Variants in VAMP5 observed in about 807,000 individuals in gnomAD.
VAMP5 encodes vesicle associated membrane protein 5, also known as vesicle-associated membrane protein 5.
A neutral mutation model predicts 8.1 loss-of-function variants in VAMP5; 10 were observed. That is an observed-to-expected ratio of 1.23 (90% CI 0.76 to 2.09). The LOEUF (loss-of-function observed/expected upper bound fraction) is 2.09, where lower values mean the gene tolerates loss of function less well. Ranked by LOEUF, VAMP5 falls within the 30% of genes most tolerant of loss-of-function variation. The probability of loss-of-function intolerance (pLI) is 0.00; values close to 1 mark genes in which losing one functional copy is unlikely to be tolerated. For synonymous variants in VAMP5, 62 were observed against 60.6 expected (o/e 1.02, Z -0.11); for missense variants, 135 against 152.5 (o/e 0.89, Z 0.60).
At chr2:85,586,101 C>T (rs1480447665) in intron 1 of VAMP5, among the ~76,000 whole-genome samples, 1 of 152,202 alleles carries the variant, frequency 6.6e-6, no homozygotes, top group African/African-American at 2.4e-5. Flanking sequence ...TTGGTAGCAT[C>T]AACCAGATTC....
chr2:85,589,799 AG>A, intron 1 of VAMP5, among the ~76,000 whole-genome samples: 1 of 152,080 alleles, frequency 6.6e-6, no homozygotes, highest in East Asian at 1.9e-4. Context: ...CTGGGATTAC[AG>A]GCATGCACCA....
chr2:85,590,998 G>A (rs1672531357), intron 1 of VAMP5, among the ~76,000 whole-genome samples: 1 of 152,220 alleles, frequency 6.6e-6, no homozygotes. Context: ...GGAAATCCAA[G>A]AGTTAGTCTC....
At chr2:85,590,409 C>G (rs1672523134) in intron 1 of VAMP5, among the ~76,000 whole-genome samples, 1 of 152,198 alleles carries the variant, frequency 6.6e-6, no homozygotes, top group Non-Finnish European at 1.5e-5. Context: ...CAGGGCACTG[C>G]TCCCTGCCCT....
intron 1 of VAMP5, among the ~76,000 whole-genome samples, chr2:85,585,774 C>T (rs1324572197): frequency 6.6e-6 from 1 of 152,210 alleles, no homozygotes; most frequent in South Asian, 2.1e-4. Context: ...ATCTCCTAGC[C>T]TCTTCCTGTT....
At chr2:85,587,509 C>T (rs540708472) in intron 1 of VAMP5, among the ~76,000 whole-genome samples, 1 of 152,048 alleles carries the variant, frequency 6.6e-6, no homozygotes, top group East Asian at 1.9e-4. Flanking sequence ...GCCTCGGCCT[C>T]CCAAAGTGCT....
At chr2:85,587,260 AAT>A (rs1672475598) in intron 1 of VAMP5, among the ~76,000 whole-genome samples, 1 of 137,740 alleles carries the variant, frequency 7.3e-6, no homozygotes, top group African/African-American at 2.9e-5. Flanking sequence ...TGTATTACAC[AAT>A]TTTTTTTTTT....
At chr2:85,589,716 G>A (rs1672512485) in intron 1 of VAMP5, among the ~76,000 whole-genome samples, 1 of 152,092 alleles carries the variant, frequency 6.6e-6, no homozygotes, top group Admixed American at 6.5e-5. Flanking sequence ...GGAGTGCAGT[G>A]GTGTGATCTC....
intron 2 of VAMP5, 103 bp downstream of exon 2, chr2:85,591,965 T>A: frequency 6.5e-7 from 1 of 1,533,762 alleles, no homozygotes; most frequent in Non-Finnish European, 8.8e-7. Flanking sequence ...TGAGGCCTTC[T>A]TGAGGGCCAG....
chr2:85,593,215 A>T lies in VAMP5; in HGVS notation c.*58A>T. 1.3e-6 allele frequency: 2 copies of T among 1,590,152 alleles called. No homozygotes were observed. The highest frequency in any genetic ancestry group is 1.7e-6 in the Non-Finnish European group (2 of 1,165,922). On this transcript the variant is annotated 3_prime_UTR_variant, in exon 3 of 3. Transcript: ENST00000306384. Reference sequence around the variant, plus strand: ...TGCACTGGCCGATTCTGGTCTCCAGAGGACCTTGGTGTTTGCTCTCCCTTG... The same window carrying T: ...TGCACTGGCCGATTCTGGTCTCCAGTGGACCTTGGTGTTTGCTCTCCCTTG...
At chr2:85,585,609 G>A (rs979164487) in intron 1 of VAMP5, among the ~76,000 whole-genome samples, 3 of 152,196 alleles carry the variant, frequency 2.0e-5, no homozygotes, top group Admixed American at 6.5e-5. Context: ...GGCTTCAGCC[G>A]GCCCTTAGCT....
rs1400722845 is a variant in VAMP5, at chr2:85,588,430, C to G, written c.4-3295C>G. Among the ~76,000 whole-genome samples the G allele has an allele frequency of 2.6e-5, 4 of 152,166 alleles. No individual in the cohort carries two copies. In the East Asian group the frequency reaches 7.7e-4, roughly 29 times the overall value. The stretch of plus-strand genomic sequence containing the variant: ...CACAACTGCTCCCCTCTCGCCCTGG[C>G]TCAAAATTCCAAGCCCTGCAGGCTT... On this transcript the variant is annotated intron_variant, in intron 1 of 2. Coordinates refer to ENST00000306384, the MANE Select transcript of VAMP5 (RefSeq NM_006634.3).
chr2:85,591,824 G>C lies in VAMP5; in HGVS notation c.103G>C (p.Ala35Pro). The C allele has an allele frequency of 1.2e-6, 2 of 1,614,190 alleles. No individual in the cohort carries two copies. The highest frequency in any genetic ancestry group is 1.1e-5 in the South Asian group (1 of 91,088). Residue 35 changes from alanine (A) to proline (P), a missense_variant, in exon 2 of 3, where the codon GCC (alanine) becomes CCC (proline). By Grantham distance (27) the Ala-to-Pro change is conservative. Coordinates refer to ENST00000306384, the MANE Select transcript of VAMP5 (RefSeq NM_006634.3). The stretch of plus-strand genomic sequence containing the variant: ...GGTCCTGGAGCGTGGTGTGAAGCTG[G>C]CCGAACTGCAGCAGCGTTCAGACCA... The part of the protein sequence containing the change: ...GKVLERGVKL[A>P]ELQQRSDQLL...
intron 1 of VAMP5, among the ~76,000 whole-genome samples, chr2:85,590,343 T>A (rs1672522375): frequency 6.6e-6 from 1 of 152,218 alleles, no homozygotes; most frequent in South Asian, 2.1e-4. Flanking sequence ...ACTGATTCCT[T>A]GCTTGCAATG....
At chr2:85,585,863 ACTTTT>A (rs1187671991) in intron 1 of VAMP5, among the ~76,000 whole-genome samples, 9 of 151,380 alleles carry the variant, frequency 5.9e-5, no homozygotes, top group East Asian at 5.8e-4. Flanking sequence ...TCTTCCTTTC[ACTTTT>A]CTTTTCTTCT....
intron 2 of VAMP5, 148 bp from the exon 3 acceptor site, chr2:85,592,800 C>CAAAAAA (rs375145374): frequency 5.3e-5 from 27 of 513,978 alleles, no homozygotes; most frequent in African/African-American, 1.5e-4. Context: ...GACTCCTTCT[C>CAAAAAA]AAAAAAAAAA....
Position 85,593,080 on chromosome 2 carries a change from T to G in VAMP5, c.274T>G (p.Phe92Val), listed in dbSNP as rs1173751179. ...CATCCTGATTGTGCTGCTGGTCGTC[T>G]TTCTCCCTCAGAGCAGTGACAGCAG... The part of the protein sequence containing the change: ...LIILIVLLVV[F>V]LPQSSDSSSA... Residue 92 changes from phenylalanine (F) to valine (V), a missense_variant, in exon 3 of 3, where the codon TTT becomes GTT. Physicochemically the swap from Phe to Val is conservative, Grantham distance 50. Transcript: ENST00000306384. 6.2e-7 allele frequency: 1 copy of G among 1,614,220 alleles called. No homozygotes were observed. The highest frequency in any genetic ancestry group is 1.7e-5 in the Admixed American group (1 of 60,024).
At position 85,592,873 on chromosome 2, in the gene VAMP5, G is replaced by A. The variant is rs2104053544; in HGVS notation, c.142-75G>A. The A allele has an allele frequency of 3.4e-6, 5 of 1,486,222 alleles. No homozygotes were observed. The East Asian group carries it at 9.1e-5, about 27-fold the overall frequency. The allele number at this position is 1,486,222 out of a possible 1,614,324, so 92.1% of individuals were successfully genotyped here. On this transcript the variant is annotated intron_variant, in intron 2 of 2. Transcript: ENST00000306384. ...GGAGGAGACTAAGCCTTACTGAGAT[G>A]GGGTTGGGAGGAGCTGGCTCCCAGG...
intron 1 of VAMP5, among the ~76,000 whole-genome samples, chr2:85,586,925 A>C (rs1355358727): frequency 6.6e-6 from 1 of 151,824 alleles, no homozygotes; most frequent in African/African-American, 2.4e-5. Flanking sequence ...AATACAAAAA[A>C]TTAGCTGGGC....
intron 1 of VAMP5, chr2:85,591,511 C>G: frequency 1.6e-6 from 1 of 630,654 alleles, no homozygotes; most frequent in Non-Finnish European, 2.6e-6. Flanking sequence ...CCTGCCTTGA[C>G]GTGCAAGGGG....
Sources: allele counts gnomAD v4.1 joint callset (sites outside exome capture counted in the v4.1 genomes callset), GRCh38; gene constraint gnomAD v4.1.1; transcripts MANE v1.5; gene names NCBI Gene and HGNC (gene_info 2026-07-23, HGNC 2026-07-21).